The following CCDC91 variants were observed in gnomAD, a reference collection of about 807,000 sequenced individuals.
CCDC91 encodes the protein coiled-coil domain-containing protein 91.
A neutral mutation model predicts 63.2 loss-of-function variants in CCDC91; 48 were observed. The ratio of observed to expected loss-of-function variants is 0.76; its 90% CI spans 0.60 to 0.97. The LOEUF is 0.97. CCDC91 is among the 50% of genes least tolerant of loss of function. CCDC91 has a pLI of 0.00. For synonymous variants in CCDC91, 167 were observed against 165.8 expected, an observed-to-expected ratio of 1.01 and a Z score of -0.06; for missense variants, 500 against 494.6, an observed-to-expected ratio of 1.01 and a Z score of -0.10.
chr12:28,321,055 A>G (rs1434452496), intron 6 of CCDC91, among the ~76,000 whole-genome samples: 4 of 151,886 alleles, frequency 2.6e-5, no homozygotes, highest in African/African-American at 9.7e-5. Flanking sequence ...AAAACTGTTT[A>G]ACAATGCAGA....
At chr12:28,435,734 T>C (rs1199207496) in intron 8 of CCDC91, among the ~76,000 whole-genome samples, 1 of 151,950 alleles carries the variant, frequency 6.6e-6, no homozygotes, top group East Asian at 1.9e-4. Flanking sequence ...AATAGTGGAC[T>C]TATCTTTTCT....
intron 2 of CCDC91, among the ~76,000 whole-genome samples, chr12:28,257,931 T>TA (rs575894457): frequency 2.7e-5 from 1 of 37,216 alleles, no homozygotes; most frequent in Non-Finnish European, 7.8e-5. Context: ...AATGCTGTGA[T>TA]TTTTTTTTTT....
intron 6 of CCDC91, among the ~76,000 whole-genome samples, chr12:28,336,409 T>C (rs927059789): frequency 1.3e-5 from 2 of 152,108 alleles, no homozygotes; most frequent in African/African-American, 4.8e-5. Flanking sequence ...AAAAGATTTA[T>C]GCTGTGTATT....
intron 12 of CCDC91, among the ~76,000 whole-genome samples, chr12:28,541,375 AAC>A (rs1156627984): frequency 6.6e-6 from 1 of 152,126 alleles, no homozygotes; most frequent in African/African-American, 2.4e-5. Context: ...TGTAGATTGA[AAC>A]ACAAAGTGAA....
chr12:28,538,792 T>C (rs1008114827), intron 12 of CCDC91, among the ~76,000 whole-genome samples: 3 of 152,084 alleles, frequency 2.0e-5, no homozygotes, highest in Non-Finnish European at 2.9e-5. Flanking sequence ...TTTTAATGAT[T>C]GCCATTCTAA....
At chr12:28,399,492 A>G (rs894054031) in intron 8 of CCDC91, among the ~76,000 whole-genome samples, 1 of 152,180 alleles carries the variant, frequency 6.6e-6, no homozygotes, top group African/African-American at 2.4e-5. Flanking sequence ...TTGACTTCAC[A>G]TTTCAAAACC....
At chr12:28,402,553 T>C (rs1946695273) in intron 8 of CCDC91, among the ~76,000 whole-genome samples, 1 of 138,504 alleles carries the variant, frequency 7.2e-6, no homozygotes, top group Non-Finnish European at 1.6e-5. Context: ...TTGTCTACTC[T>C]TTGGATTTTC....
chr12:28,471,366 A>G (rs1950804003), intron 11 of CCDC91, among the ~76,000 whole-genome samples: 1 of 152,198 alleles, frequency 6.6e-6, no homozygotes, highest in Non-Finnish European at 1.5e-5. Flanking sequence ...GAGAAACTAG[A>G]TATCGAAACT....
At chr12:28,407,505 A>C (rs1338114869) in intron 8 of CCDC91, among the ~76,000 whole-genome samples, 1 of 152,110 alleles carries the variant, frequency 6.6e-6, no homozygotes, top group East Asian at 1.9e-4. Context: ...TGGATATTTT[A>C]GGTTCTTTGC....
chr12:28,209,795 C>G (rs1378488767), intron 1 of CCDC91, among the ~76,000 whole-genome samples: 1 of 150,206 alleles, frequency 6.7e-6, no homozygotes, highest in Non-Finnish European at 1.5e-5. Flanking sequence ...TTTAAACAAT[C>G]CTTTAACCCT....
chr12:28,205,121 C>T (rs564001713), intron 1 of CCDC91, among the ~76,000 whole-genome samples: 1 of 152,036 alleles, frequency 6.6e-6, no homozygotes, highest in African/African-American at 2.4e-5. Flanking sequence ...GAGGAAAACT[C>T]TTTCAGATAT....
chr12:28,510,214 CAG>C (rs1939213652), intron 12 of CCDC91, among the ~76,000 whole-genome samples: 1 of 123,020 alleles, frequency 8.1e-6, no homozygotes, highest in Non-Finnish European at 2.0e-5. Context: ...TAGGATTCTC[CAG>C]AGAGACAGAG....
intron 3 of CCDC91, among the ~76,000 whole-genome samples, chr12:28,269,791 G>T (rs1947615872): frequency 6.6e-6 from 1 of 151,928 alleles, no homozygotes. Context: ...TAATTCCTTT[G>T]TTGGGCACTA....
intron 1 of CCDC91, among the ~76,000 whole-genome samples, chr12:28,245,989 A>T (rs1238502502): frequency 2.0e-5 from 3 of 152,210 alleles, no homozygotes; most frequent in Non-Finnish European, 4.4e-5. Flanking sequence ...GGTCTCAATA[A>T]CAAAATCCTG....
intron 3 of CCDC91, among the ~76,000 whole-genome samples, chr12:28,261,459 A>G (rs1295472609): frequency 1.3e-5 from 2 of 152,086 alleles, no homozygotes; most frequent in East Asian, 3.9e-4. Flanking sequence ...GCTGCAACAC[A>G]GAAATTAGAA....
intron 8 of CCDC91, among the ~76,000 whole-genome samples, chr12:28,406,395 G>T (rs1422172925): frequency 6.6e-6 from 1 of 152,100 alleles, no homozygotes; most frequent in Non-Finnish European, 1.5e-5. Flanking sequence ...GACCTAGCTA[G>T]GTCGTATGAT....
chr12:28,247,061 G>A (rs541842367), intron 1 of CCDC91, among the ~76,000 whole-genome samples: 17 of 152,188 alleles, frequency 1.1e-4, no homozygotes, highest in Non-Finnish European at 2.1e-4. Context: ...CAGAGAAAGC[G>A]TAGTGATTTG....
At chr12:28,531,157 T>C (rs1941697848) in intron 12 of CCDC91, among the ~76,000 whole-genome samples, 1 of 152,164 alleles carries the variant, frequency 6.6e-6, no homozygotes, top group African/African-American at 2.4e-5. Context: ...TCTTATGTGC[T>C]TTTCAGAGAT....
chr12:28,464,435 C>T (rs1336165138), intron 11 of CCDC91, among the ~76,000 whole-genome samples: 2 of 152,158 alleles, frequency 1.3e-5, no homozygotes, highest in African/African-American at 2.4e-5. Flanking sequence ...GAGACCCCTT[C>T]CTTCCACTTA....
Sources: allele counts gnomAD v4.1 joint callset (sites outside exome capture counted in the v4.1 genomes callset), GRCh38; gene constraint gnomAD v4.1.1; transcripts MANE v1.5; gene names NCBI Gene and HGNC (gene_info 2026-07-23, HGNC 2026-07-21).